CAST: variants seen among roughly 807,000 people sequenced by gnomAD.
CAST encodes MIR583 host.
A neutral mutation model predicts 119.6 loss-of-function variants in CAST; 76 were observed. That is an observed-to-expected ratio of 0.64 (90% CI 0.53 to 0.77). CAST has a LOEUF of 0.77. CAST is among the 30% of genes least tolerant of loss of function. CAST has a pLI of 0.00. For missense variants in CAST, 953 were observed against 946.5 expected (o/e 1.01, Z -0.09); for synonymous variants, 319 against 331.6 (o/e 0.96, Z 0.41).
the CAST span, among the ~76,000 whole-genome samples, chr5:96,098,472 T>G: frequency 6.6e-5 from 10 of 152,234 alleles, no homozygotes; most frequent in Non-Finnish European, 4.4e-5. Context: ...CATTGAAGTC[T>G]TTAATCCATC....
intron 21 of CAST, 68 bp downstream of exon 21, chr5:96,754,229 T>TA (rs1765790038): frequency 1.0e-6 from 1 of 965,192 alleles, no homozygotes; most frequent in Non-Finnish European, 1.7e-6. Context: ...GCAAATAAGT[T>TA]AGTCATTTGT....
chr5:96,400,815 C>T, the CAST span, among the ~76,000 whole-genome samples: 8 of 151,626 alleles, frequency 5.3e-5, no homozygotes, highest in Non-Finnish European at 8.8e-5. Context: ...AGGCTGGGCG[C>T]GGTGGCTCAC....
chr5:96,669,778 A>T (rs1749824330), intron 1 of CAST, among the ~76,000 whole-genome samples: 1 of 152,172 alleles, frequency 6.6e-6, no homozygotes, highest in African/African-American at 2.4e-5. Flanking sequence ...GTGCCGACTC[A>T]GTGGGATGGT....
At chr5:96,215,216 C>A in the CAST span, 1 of 151,974 alleles carries the variant, frequency 6.6e-6, no homozygotes, top group African/African-American at 2.4e-5. Flanking sequence ...GTCTTAGGAC[C>A]CTTACAGCCT....
chr5:96,581,951 C>T (rs1746778261), intron 1 of CAST, among the ~76,000 whole-genome samples: 1 of 152,014 alleles, frequency 6.6e-6, no homozygotes, highest in Non-Finnish European at 1.5e-5. Flanking sequence ...TAATAATTGA[C>T]TAAACTGTAG....
the CAST span, among the ~76,000 whole-genome samples, chr5:96,459,347 A>G: frequency 6.6e-6 from 1 of 152,130 alleles, no homozygotes; most frequent in African/African-American, 2.4e-5. Context: ...TGTAATGTAG[A>G]TCTCAAACTC....
intron 1 of CAST, among the ~76,000 whole-genome samples, chr5:96,571,883 A>G (rs17086313): frequency 0.06 from 9,134 of 152,258 alleles, 837 homozygotes; most frequent in East Asian, 0.31. Flanking sequence ...ATGCACCCTA[A>G]AACAGTTTCT....
intron 1 of CAST, among the ~76,000 whole-genome samples, chr5:96,576,665 C>A (rs1393794700): frequency 6.6e-6 from 1 of 151,882 alleles, no homozygotes. Context: ...GATTTTTTTT[C>A]ATATTTTTTA....
chr5:96,328,410 T>C, the CAST span, among the ~76,000 whole-genome samples: 1 of 150,772 alleles, frequency 6.6e-6, no homozygotes, highest in Non-Finnish European at 1.5e-5. Flanking sequence ...TCTCTCTCTC[T>C]CTCTCTCTCT....
the CAST span, among the ~76,000 whole-genome samples, chr5:96,354,122 C>A: frequency 6.6e-6 from 1 of 152,094 alleles, no homozygotes; most frequent in South Asian, 2.1e-4. Context: ...AGAATCCGAC[C>A]AATTACCACC....
the CAST span, among the ~76,000 whole-genome samples, chr5:96,047,800 C>G: frequency 1.2e-4 from 18 of 152,138 alleles, no homozygotes; most frequent in African/African-American, 3.6e-4. Context: ...ATGTGTAAAA[C>G]TGCAAGTGTG....
intron 1 of CAST, chr5:96,584,370 C>T (rs77135132): frequency 0.063 from 9,658 of 152,234 alleles, 814 homozygotes; most frequent in East Asian, 0.27. Flanking sequence ...GGATCAGTAT[C>T]GGTCCATGGC....
At chr5:96,622,533 A>G (rs562879646) in intron 1 of CAST, among the ~76,000 whole-genome samples, 2 of 152,174 alleles carry the variant, frequency 1.3e-5, no homozygotes, top group Non-Finnish European at 2.9e-5. Flanking sequence ...GATAAGTGAC[A>G]TGAGGCCAGG....
chr5:96,739,103 T>C (rs994599321), intron 11 of CAST, among the ~76,000 whole-genome samples: 2 of 152,154 alleles, frequency 1.3e-5, no homozygotes, highest in African/African-American at 2.4e-5. Flanking sequence ...AATGAAACTC[T>C]CCTTAGTAAT....
At chr5:96,054,418 T>C in the CAST span, among the ~76,000 whole-genome samples, 12 of 152,004 alleles carry the variant, frequency 7.9e-5, no homozygotes, top group African/African-American at 2.9e-4. Flanking sequence ...CATGCCTGGC[T>C]TGTCCTGGGA....
chr5:96,467,317 A>T, the CAST span, among the ~76,000 whole-genome samples: 1 of 152,006 alleles, frequency 6.6e-6, no homozygotes, highest in Non-Finnish European at 1.5e-5. Flanking sequence ...TTGCCATGCA[A>T]TATTCTTTGT....
intron 10 of CAST, among the ~76,000 whole-genome samples, chr5:96,737,171 G>T (rs529374268): frequency 1.1e-3 from 171 of 152,338 alleles, no homozygotes; most frequent in Non-Finnish European, 2.2e-3. Context: ...TACAATTGGA[G>T]TTGAGACTTG....
At chr5:96,099,030 A>G in the CAST span, among the ~76,000 whole-genome samples, 2 of 151,938 alleles carry the variant, frequency 1.3e-5, no homozygotes, top group Non-Finnish European at 2.9e-5. Context: ...CCTTGTAGAG[A>G]TCTTTCACCT....
Position 96,563,661 on chromosome 5 carries a change from G to A in CAST, c.60+33781G>A, listed in dbSNP as rs551315966. On this transcript the variant is annotated intron_variant, in intron 1 of 11. Transcript: ENST00000505143. The stretch of plus-strand genomic sequence containing the variant: ...TACATGTATTACTTATAAAAAAAAA[G>A]CATTCTTTATTTTTAAAAATCTAAG... 2.5e-4 allele frequency among the ~76,000 whole-genome samples: 38 copies of A among 150,818 alleles called. No individual in the cohort carries two copies. The South Asian group carries it at 7.2e-3, about 28-fold the overall frequency.
Sources: gnomAD v4.1 joint callset for allele counts (sites outside exome capture counted in the v4.1 genomes callset) on GRCh38, gnomAD v4.1.1 for gene constraint, MANE v1.5 for transcripts, NCBI Gene and HGNC (gene_info 2026-07-23, HGNC 2026-07-21) for gene names.